IGFL4: variants seen among roughly 807,000 people sequenced by gnomAD.
IGFL4 encodes IGF like family member 4.
Under a neutral mutation model 15.4 loss-of-function variants are expected in IGFL4, and 12 were observed. That is an observed-to-expected ratio of 0.78 (90% CI 0.50 to 1.26). IGFL4 has a LOEUF of 1.26. IGFL4 is among the 50% of genes most tolerant of loss of function. The pLI, the probability that IGFL4 is intolerant of heterozygous loss-of-function variation, is 0.00. For synonymous variants in IGFL4, 54 were observed against 55.9 expected (o/e 0.97, Z 0.16); for missense variants, 126 against 147.8 (o/e 0.85, Z 0.76).
At chr19:46,060,378 C>G (rs946930781) in intron 1 of IGFL4, 2 of 152,314 alleles carry the variant, frequency 1.3e-5, no homozygotes, top group Middle Eastern at 3.4e-3. Flanking sequence ...TCAGTCCATA[C>G]AGATAACTTC....
chr19:46,053,385 T>C (rs1000197114), intron 2 of IGFL4, among the ~76,000 whole-genome samples: 1 of 152,146 alleles, frequency 6.6e-6, no homozygotes, highest in African/African-American at 2.4e-5. Flanking sequence ...TGGCTAACTT[T>C]TGTATTTTTA....
At chr19:46,076,305 T>C (rs1969595081) in intron 1 of IGFL4, among the ~76,000 whole-genome samples, 1 of 152,204 alleles carries the variant, frequency 6.6e-6, no homozygotes, top group Non-Finnish European at 1.5e-5. Flanking sequence ...CATAACCCAA[T>C]ACCACCGAAT....
intron 1 of IGFL4, among the ~76,000 whole-genome samples, chr19:46,063,834 C>T (rs1298778184): frequency 6.6e-6 from 1 of 152,150 alleles, no homozygotes; most frequent in African/African-American, 2.4e-5. Flanking sequence ...CAGAGCTATT[C>T]CATGCTCATG....
At chr19:46,047,670 A>G (rs1236454606) in intron 2 of IGFL4, among the ~76,000 whole-genome samples, 1 of 152,226 alleles carries the variant, frequency 6.6e-6, no homozygotes, top group Non-Finnish European at 1.5e-5. Flanking sequence ...TAGAAAATCT[A>G]GAAGAAATGG....
intron 2 of IGFL4, chr19:46,059,888 T>G (rs948103814): frequency 2.6e-4 from 39 of 152,154 alleles, no homozygotes; most frequent in African/African-American, 8.4e-4. Flanking sequence ...ATTCCTCTCC[T>G]CTTGAGGTCC....
At chr19:46,045,210 C>T (rs188817733), upstream of IGFL4, among the ~76,000 whole-genome samples, 287 of 152,058 alleles carry the variant, frequency 1.9e-3, no homozygotes, top group East Asian at 7.7e-3. Context: ...TTTGGGAGGC[C>T]GAGGCAGGTG....
At chr19:46,045,126 T>G (rs1969285629), upstream of IGFL4, among the ~76,000 whole-genome samples, 1 of 151,982 alleles carries the variant, frequency 6.6e-6, no homozygotes. Flanking sequence ...CCGAGATGGC[T>G]GAATTAACAG....
chr19:46,074,733 C>T (rs936427498), intron 1 of IGFL4, among the ~76,000 whole-genome samples: 4 of 152,228 alleles, frequency 2.6e-5, no homozygotes, highest in Admixed American at 6.5e-5. Flanking sequence ...CCCAGATTAA[C>T]ATCGGGTCTG....
chr19:46,077,479 G>A (rs1969620565), upstream of IGFL4, among the ~76,000 whole-genome samples: 1 of 152,216 alleles, frequency 6.6e-6, no homozygotes, highest in Admixed American at 6.5e-5. The surrounding 1 kb of genome is among the most constrained non-coding windows in gnomAD (Gnocchi z 5.4). Flanking sequence ...AGAAACCAGA[G>A]GCGGGGATCC....
chr19:46,071,016 C>T (rs759360421), intron 1 of IGFL4, among the ~76,000 whole-genome samples: 1 of 152,152 alleles, frequency 6.6e-6, no homozygotes, highest in Non-Finnish European at 1.5e-5. Flanking sequence ...CAGCTCCCAA[C>T]AAGCCTGCGG....
chr19:46,075,974 T>A (rs1375015170), intron 1 of IGFL4, among the ~76,000 whole-genome samples: 1 of 152,200 alleles, frequency 6.6e-6, no homozygotes, highest in Non-Finnish European at 1.5e-5. Flanking sequence ...ACTGGGTAAT[T>A]TATAAACAAC....
chr19:46,056,770 C>A (rs1044978608), intron 2 of IGFL4, among the ~76,000 whole-genome samples: 3 of 152,238 alleles, frequency 2.0e-5, no homozygotes, highest in Admixed American at 1.3e-4. Context: ...ATCTACCCAG[C>A]CACAGAAGAC....
At chr19:46,064,840 T>C (rs1471699320) in intron 1 of IGFL4, among the ~76,000 whole-genome samples, 2 of 152,218 alleles carry the variant, frequency 1.3e-5, no homozygotes, top group Non-Finnish European at 2.9e-5. Context: ...GGTAGCTCTA[T>C]TTTTAGTTTT....
chr19:46,053,668 G>A (rs375139756), intron 2 of IGFL4, among the ~76,000 whole-genome samples: 1 of 152,088 alleles, frequency 6.6e-6, no homozygotes, highest in South Asian at 2.1e-4. Context: ...TGATATAGTG[G>A]TTGTTTTTAT....
At chr19:46,064,071 GAAA>G (rs36026852) in intron 1 of IGFL4, among the ~76,000 whole-genome samples, 1 of 140,080 alleles carries the variant, frequency 7.1e-6, no homozygotes, top group Non-Finnish European at 1.5e-5. Flanking sequence ...GACTCCACCT[GAAA>G]AAAAAAAAAA....
intron 2 of IGFL4, among the ~76,000 whole-genome samples, chr19:46,047,550 G>A (rs1040168745): frequency 6.6e-6 from 1 of 151,778 alleles, no homozygotes; most frequent in South Asian, 2.1e-4. Flanking sequence ...AGAAAAGAGA[G>A]AATAATCAAA....
intron 2 of IGFL4, among the ~76,000 whole-genome samples, chr19:46,053,964 C>A (rs1332660793): frequency 1.3e-5 from 2 of 151,958 alleles, no homozygotes; most frequent in Non-Finnish European, 2.9e-5. Context: ...TTTAAAATCA[C>A]CTTGTTTGTT....
chr19:46,062,012 T>C (rs530162307), intron 1 of IGFL4, among the ~76,000 whole-genome samples: 29 of 152,326 alleles, frequency 1.9e-4, no homozygotes, highest in Non-Finnish European at 3.7e-4. Flanking sequence ...GAGAGGAATC[T>C]ATCCACTTTT....
chr19:46,044,187 C>T (rs1969275301), upstream of IGFL4, among the ~76,000 whole-genome samples: 1 of 152,120 alleles, frequency 6.6e-6, no homozygotes, highest in South Asian at 2.1e-4. Flanking sequence ...ACCTTAGGAT[C>T]AAGAGATCCC....
Sources: gnomAD v4.1 joint callset for allele counts (sites outside exome capture counted in the v4.1 genomes callset) on GRCh38, gnomAD v4.1.1 for gene constraint, Gnocchi (gnomAD v3.1) non-coding constraint, MANE v1.5 for transcripts, NCBI Gene and HGNC (gene_info 2026-07-23, HGNC 2026-07-21) for gene names.